LRRTM3: variants seen among roughly 807,000 people sequenced by gnomAD.
The protein encoded by LRRTM3 is leucine-rich repeat transmembrane neuronal protein 3.
A neutral mutation model predicts 44.7 loss-of-function variants in LRRTM3; 24 were observed. The observed-to-expected ratio is 0.54, with a 90% CI of 0.39 to 0.76. The LOEUF (loss-of-function observed/expected upper bound fraction) is 0.76. Ranked by LOEUF, LRRTM3 falls within the 30% of genes least tolerant of loss-of-function variation. LRRTM3 has a pLI of 0.00. For missense variants in LRRTM3, 587 were observed against 702.2 expected, an observed-to-expected ratio of 0.84 and a Z score of 1.85; for synonymous variants, 277 against 278.7, an observed-to-expected ratio of 0.99 and a Z score of 0.06.
chr10:66,960,538 T>C (rs1052856676), intron 2 of LRRTM3, among the ~76,000 whole-genome samples: 1 of 152,130 alleles, frequency 6.6e-6, no homozygotes, highest in Non-Finnish European at 1.5e-5. Flanking sequence ...ATATGTAGCA[T>C]GAAAATACAA....
At chr10:66,942,458 A>C (rs1031298644) in intron 2 of LRRTM3, among the ~76,000 whole-genome samples, 1 of 152,116 alleles carries the variant, frequency 6.6e-6, no homozygotes, top group Non-Finnish European at 1.5e-5. Flanking sequence ...TGTTTCTTCT[A>C]GTAATTCAAC....
intron 2 of LRRTM3, among the ~76,000 whole-genome samples, chr10:67,072,493 C>T (rs954274612): frequency 5.9e-5 from 9 of 152,164 alleles, no homozygotes; most frequent in African/African-American, 9.7e-5. Context: ...GAATTCCAAA[C>T]GATATCTTCC....
At chr10:67,047,226 G>C (rs1854809922) in intron 2 of LRRTM3, among the ~76,000 whole-genome samples, 1 of 152,116 alleles carries the variant, frequency 6.6e-6, no homozygotes, top group Non-Finnish European at 1.5e-5. Flanking sequence ...TATGGGAGTG[G>C]TGGAGTCTCT....
chr10:67,026,906 T>C (rs1302120865), intron 2 of LRRTM3, among the ~76,000 whole-genome samples: 1 of 152,202 alleles, frequency 6.6e-6, no homozygotes, highest in Non-Finnish European at 1.5e-5. Context: ...TAATTTAAGA[T>C]CACATTAAAA....
intron 2 of LRRTM3, among the ~76,000 whole-genome samples, chr10:66,959,371 A>G (rs1309551118): frequency 6.6e-6 from 1 of 152,184 alleles, no homozygotes; most frequent in African/African-American, 2.4e-5. Context: ...TTCAATCCTC[A>G]TGCCCAGTAA....
intron 2 of LRRTM3, among the ~76,000 whole-genome samples, chr10:67,069,906 C>T (rs956158955): frequency 9.9e-5 from 15 of 152,124 alleles, no homozygotes; most frequent in Non-Finnish European, 1.6e-4. Flanking sequence ...AACATGTGTA[C>T]ATATTTCTCC....
At chr10:66,973,390 TAAC>T (rs1364458689) in intron 2 of LRRTM3, among the ~76,000 whole-genome samples, 2 of 152,188 alleles carry the variant, frequency 1.3e-5, no homozygotes, top group Non-Finnish European at 2.9e-5. Flanking sequence ...TAATTTGTAT[TAAC>T]AAATGACAAG....
intron 2 of LRRTM3, among the ~76,000 whole-genome samples, chr10:67,042,610 G>T (rs1433806351): frequency 6.6e-6 from 1 of 151,890 alleles, no homozygotes; most frequent in African/African-American, 2.4e-5. Context: ...GAAGCTAGGA[G>T]GAGAAAGGAA....
chr10:67,067,155 A>C (rs1856142318), intron 2 of LRRTM3, among the ~76,000 whole-genome samples: 1 of 152,220 alleles, frequency 6.6e-6, no homozygotes, highest in African/African-American at 2.4e-5. Context: ...CATATGACAT[A>C]AGCATGTCAT....
chr10:67,034,315 G>A (rs1339090911), intron 2 of LRRTM3, among the ~76,000 whole-genome samples: 1 of 152,118 alleles, frequency 6.6e-6, no homozygotes, highest in African/African-American at 2.4e-5. Context: ...CATTCAACAA[G>A]CACAAATCAA....
chr10:66,992,304 T>C (rs1490977091), intron 2 of LRRTM3, among the ~76,000 whole-genome samples: 1 of 152,198 alleles, frequency 6.6e-6, no homozygotes, highest in African/African-American at 2.4e-5. Flanking sequence ...ATTTGTCCTT[T>C]GGTTTTGCAC....
chr10:67,074,928 C>A (rs904880551), intron 2 of LRRTM3, among the ~76,000 whole-genome samples: 1 of 152,110 alleles, frequency 6.6e-6, no homozygotes, highest in Non-Finnish European at 1.5e-5. Context: ...AGACATCATG[C>A]TGAAAATGGG....
At chr10:67,055,284 C>A (rs1470674555) in intron 2 of LRRTM3, among the ~76,000 whole-genome samples, 1 of 152,150 alleles carries the variant, frequency 6.6e-6, no homozygotes, top group Non-Finnish European at 1.5e-5. Flanking sequence ...TAAAACTTCT[C>A]ATAATTTCCC....
intron 2 of LRRTM3, among the ~76,000 whole-genome samples, chr10:67,037,566 G>T (rs187992975): frequency 6.6e-6 from 1 of 152,182 alleles, no homozygotes; most frequent in East Asian, 1.9e-4. Flanking sequence ...GAAGAGATTT[G>T]AATGAAGTAT....
intron 2 of LRRTM3, among the ~76,000 whole-genome samples, chr10:66,975,634 G>GTACAAGCACTTGGCTTGGCTTAGCAC (rs1849988751): frequency 6.6e-6 from 1 of 152,158 alleles, no homozygotes; most frequent in East Asian, 1.9e-4. Context: ...AGTGGTTTGT[G>GTACAAGCACTTGGCTTGGCTTAGCAC]TATAACTTTT....
At chr10:67,050,064 A>G (rs1238733787) in intron 2 of LRRTM3, among the ~76,000 whole-genome samples, 1 of 152,210 alleles carries the variant, frequency 6.6e-6, no homozygotes, top group Non-Finnish European at 1.5e-5. Context: ...GGCATGCACA[A>G]ATTTCACATA....
At chr10:67,079,849 A>G (rs1164249439) in intron 2 of LRRTM3, among the ~76,000 whole-genome samples, 1 of 144,204 alleles carries the variant, frequency 6.9e-6, no homozygotes, top group African/African-American at 2.6e-5. Context: ...CTCCATCTCA[A>G]AAAAACAAAA....
chr10:66,948,986 C>A (rs573527029), intron 2 of LRRTM3, among the ~76,000 whole-genome samples: 2 of 152,094 alleles, frequency 1.3e-5, no homozygotes, highest in Middle Eastern at 3.4e-3. Context: ...TTATTTTTTT[C>A]TTTGCTGTTA....
At chr10:67,069,698 G>A (rs1213055628) in intron 2 of LRRTM3, among the ~76,000 whole-genome samples, 3 of 151,568 alleles carry the variant, frequency 2.0e-5, no homozygotes, top group Non-Finnish European at 4.4e-5. Flanking sequence ...GTGTCTGAAT[G>A]TTGTGTCTCA....
Sources: allele counts gnomAD v4.1 joint callset (sites outside exome capture counted in the v4.1 genomes callset), GRCh38; gene constraint gnomAD v4.1.1; transcripts MANE v1.5; gene names NCBI Gene and HGNC (gene_info 2026-07-23, HGNC 2026-07-21).